SCEL: variants seen among roughly 807,000 people sequenced by gnomAD.
The protein encoded by SCEL is sciellin.
SCEL carries 113 observed loss-of-function variants against 117.6 expected under a neutral mutation model. The observed-to-expected ratio is 0.96, with a 90% CI of 0.83 to 1.12. The LOEUF is 1.12. Among genes scored for constraint, SCEL ranks in the 50% most tolerant of loss-of-function variants. The pLI is 0.00. For synonymous variants in SCEL, 270 were observed against 256.2 expected (o/e 1.05, Z -0.51); for missense variants, 785 against 810.8 (o/e 0.97, Z 0.39).
chr13:77,603,953 A>C (rs1444354552), intron 18 of SCEL, among the ~76,000 whole-genome samples: 2 of 152,196 alleles, frequency 1.3e-5, no homozygotes, highest in Non-Finnish European at 2.9e-5. Flanking sequence ...CTTAAAACAG[A>C]ATAGGCAATT....
chr13:77,619,143 T>G (rs958025433), intron 27 of SCEL, among the ~76,000 whole-genome samples: 1 of 152,108 alleles, frequency 6.6e-6, no homozygotes, highest in African/African-American at 2.4e-5. Context: ...GAAATTAACA[T>G]ATGACAAAGT....
intron 3 of SCEL, 95 bp downstream of exon 3, chr13:77,556,808 T>A (rs1357576204): frequency 1.1e-5 from 10 of 873,050 alleles, no homozygotes; most frequent in Admixed American, 2.0e-5. Context: ...TGAATACTTT[T>A]CTCCTGAAAC....
At chr13:77,608,983 T>C in intron 20 of SCEL, 75 bp from the exon 21 acceptor site, 1 of 1,173,466 alleles carries the variant, frequency 8.5e-7, no homozygotes, top group Admixed American at 2.6e-5. Context: ...TGAGTACATG[T>C]ATCCTTTAAA....
intron 1 of SCEL, 93 bp from the exon 2 acceptor site, chr13:77,555,762 ACT>A: frequency 2.4e-6 from 2 of 824,112 alleles, no homozygotes; most frequent in Non-Finnish European, 4.2e-6. Flanking sequence ...TGACTATGTC[ACT>A]GTCATTGAAA....
chr13:77,556,928 G>A (rs1428595695), intron 3 of SCEL, among the ~76,000 whole-genome samples: 1 of 152,170 alleles, frequency 6.6e-6, no homozygotes. Flanking sequence ...GCATAAGAGA[G>A]TGTGAGTCAT....
chr13:77,618,554 G>A (rs2154403953), intron 27 of SCEL, among the ~76,000 whole-genome samples: 1 of 151,818 alleles, frequency 6.6e-6, no homozygotes, highest in East Asian at 1.9e-4. Flanking sequence ...TTTCTTTGGT[G>A]TGTTAAATGA....
chr13:77,568,387 C>A, intron 7 of SCEL, 54 bp downstream of exon 7: 2 of 1,149,222 alleles, frequency 1.7e-6, no homozygotes, highest in Non-Finnish European at 2.5e-6. Flanking sequence ...CAAGAAAAAC[C>A]AGGGAAAACC....
chr13:77,567,215 A>G (rs2085338434), intron 5 of SCEL, among the ~76,000 whole-genome samples: 1 of 152,178 alleles, frequency 6.6e-6, no homozygotes, highest in Non-Finnish European at 1.5e-5. Context: ...GCACTTTAGG[A>G]GGTGGAGGCG....
chr13:77,586,894 T>G (rs1175779042), intron 9 of SCEL, among the ~76,000 whole-genome samples: 1 of 151,994 alleles, frequency 6.6e-6, no homozygotes, highest in Non-Finnish European at 1.5e-5. Context: ...GGAAGAAGAA[T>G]AATACTTATG....
intron 3 of SCEL, among the ~76,000 whole-genome samples, chr13:77,557,689 A>C (rs1206754072): frequency 6.6e-6 from 1 of 152,174 alleles, no homozygotes; most frequent in East Asian, 1.9e-4. Flanking sequence ...AGGTTGGGAG[A>C]CATTTTTGTT....
intron 28 of SCEL, among the ~76,000 whole-genome samples, chr13:77,633,000 C>G (rs1018068333): frequency 6.6e-6 from 1 of 152,194 alleles, no homozygotes; most frequent in Non-Finnish European, 1.5e-5. Context: ...GAACCAATTT[C>G]AGATGATTTC....
chr13:77,560,387 G>GT (rs1453059541), intron 4 of SCEL, among the ~76,000 whole-genome samples: 1 of 152,142 alleles, frequency 6.6e-6, no homozygotes, highest in Non-Finnish European at 1.5e-5. Flanking sequence ...GGAGTGGGCA[G>GT]TGATGCTCCA....
intron 11 of SCEL, among the ~76,000 whole-genome samples, chr13:77,592,959 A>G (rs747506747): frequency 1.1e-4 from 16 of 152,116 alleles, no homozygotes; most frequent in Non-Finnish European, 1.5e-4. Context: ...TGAGCCCTCT[A>G]TGTGCTCAGG....
At chr13:77,541,133 G>C (rs1295918691) in intron 1 of SCEL, among the ~76,000 whole-genome samples, 1 of 152,122 alleles carries the variant, frequency 6.6e-6, no homozygotes, top group African/African-American at 2.4e-5. Context: ...TTTATAATTA[G>C]AAGCTAAATG....
chr13:77,642,881 T>C (rs923695612), intron 32 of SCEL, 73 bp downstream of exon 32: 3 of 766,478 alleles, frequency 3.9e-6, no homozygotes, highest in Non-Finnish European at 4.1e-6. Flanking sequence ...TAAAATGATG[T>C]ATTTTAATAA....
intron 18 of SCEL, 43 bp from the exon 19 acceptor site, chr13:77,604,313 A>T: frequency 8.0e-7 from 1 of 1,252,300 alleles, no homozygotes; most frequent in Non-Finnish European, 1.1e-6. Flanking sequence ...GATTAGTGCT[A>T]TACTTTAACA....
intron 27 of SCEL, among the ~76,000 whole-genome samples, chr13:77,620,596 G>T (rs1381125742): frequency 6.6e-6 from 1 of 152,280 alleles, no homozygotes; most frequent in East Asian, 1.9e-4. Flanking sequence ...CATTTATTCA[G>T]TAAGAATTTG....
At chr13:77,604,148 T>G in intron 18 of SCEL, 1 of 366,506 alleles carries the variant, frequency 2.7e-6, no homozygotes, top group Non-Finnish European at 4.8e-6. Flanking sequence ...AAACAAAAAA[T>G]CAGATTTATT....
chr13:77,590,378 AC>A (rs1345522308), intron 10 of SCEL, among the ~76,000 whole-genome samples: 1 of 152,070 alleles, frequency 6.6e-6, no homozygotes, highest in Non-Finnish European at 1.5e-5. Context: ...CAGATTTATA[AC>A]TTTTTGTTTG....
Sources: allele counts gnomAD v4.1 joint callset (sites outside exome capture counted in the v4.1 genomes callset), GRCh38; gene constraint gnomAD v4.1.1; transcripts MANE v1.5; gene names NCBI Gene and HGNC (gene_info 2026-07-23, HGNC 2026-07-21).